The following ATP9B variants were observed in gnomAD, a reference collection of about 807,000 sequenced individuals.
The protein encoded by ATP9B is probable phospholipid-transporting ATPase IIB.
A neutral mutation model predicts 146.1 loss-of-function variants in ATP9B; 110 were observed. The ratio of observed to expected loss-of-function variants is 0.75; its 90% CI spans 0.65 to 0.88. ATP9B has a LOEUF of 0.88. Ranked by LOEUF, ATP9B falls within the 40% of genes least tolerant of loss-of-function variation. The probability of loss-of-function intolerance (pLI) is 0.00; values close to 1 mark genes in which losing one functional copy is unlikely to be tolerated. For synonymous variants in ATP9B, 604 were observed against 569.7 expected, an observed-to-expected ratio of 1.06 and a Z score of -0.86; for missense variants, 1,499 against 1,496.4, an observed-to-expected ratio of 1.00 and a Z score of -0.03.
intron 7 of ATP9B, among the ~76,000 whole-genome samples, chr18:79,155,005 T>C (rs1334324896): frequency 1.3e-5 from 2 of 152,228 alleles, no homozygotes; most frequent in Non-Finnish European, 2.9e-5. Context: ...GTGTTTTCAT[T>C]CAGATTCATA....
At chr18:79,282,607 A>G (rs1485529803) in intron 13 of ATP9B, among the ~76,000 whole-genome samples, 3 of 152,258 alleles carry the variant, frequency 2.0e-5, no homozygotes, top group Non-Finnish European at 4.4e-5. Context: ...TACTAATTGC[A>G]CATGTAATAG....
chr18:79,374,638 G>T (rs1023664259), intron 28 of ATP9B, among the ~76,000 whole-genome samples: 9 of 152,374 alleles, frequency 5.9e-5, no homozygotes, highest in Non-Finnish European at 2.9e-5. Context: ...GAACACAGCC[G>T]CGTGTGCACT....
chr18:79,129,443 G>T (rs1157194861), intron 5 of ATP9B, among the ~76,000 whole-genome samples: 1 of 152,160 alleles, frequency 6.6e-6, no homozygotes, highest in African/African-American at 2.4e-5. Context: ...TGAGGCTGCC[G>T]CACAGAGCCA....
chr18:79,237,931 C>G (rs913923842), intron 11 of ATP9B, among the ~76,000 whole-genome samples: 2 of 152,112 alleles, frequency 1.3e-5, no homozygotes, highest in Non-Finnish European at 2.9e-5. Flanking sequence ...CTCAAGTGAT[C>G]CTCCAGCCAT....
At chr18:79,356,360 C>T (rs565276995) in intron 25 of ATP9B, among the ~76,000 whole-genome samples, 1 of 152,088 alleles carries the variant, frequency 6.6e-6, no homozygotes, top group Non-Finnish European at 1.5e-5. Context: ...CACTCACGCT[C>T]CTGGGCGTTT....
At chr18:79,324,721 G>A (rs2096734692) in intron 15 of ATP9B, among the ~76,000 whole-genome samples, 1 of 152,190 alleles carries the variant, frequency 6.6e-6, no homozygotes, top group South Asian at 2.1e-4. Context: ...ATATGGAAAC[G>A]AGTTGTCTCA....
At chr18:79,157,406 A>AAAAAAAAAAAAAC (rs2094806856) in intron 7 of ATP9B, among the ~76,000 whole-genome samples, 1 of 120,318 alleles carries the variant, frequency 8.3e-6, no homozygotes. Context: ...CAAAAAAAAA[A>AAAAAAAAAAAAAC]AAAAAAAAAA....
At chr18:79,170,070 G>A (rs1248844518) in intron 7 of ATP9B, among the ~76,000 whole-genome samples, 2 of 152,192 alleles carry the variant, frequency 1.3e-5, no homozygotes, top group African/African-American at 4.8e-5. Context: ...AGCTGACTGA[G>A]CTCAGACTGT....
intron 12 of ATP9B, among the ~76,000 whole-genome samples, chr18:79,267,391 C>T (rs2096214037): frequency 6.6e-6 from 1 of 151,838 alleles, no homozygotes; most frequent in African/African-American, 2.4e-5. Context: ...ATTCTTTGAG[C>T]TGTGTATTAT....
chr18:79,104,902 C>A (rs2075552356), intron 2 of ATP9B, among the ~76,000 whole-genome samples: 1 of 152,042 alleles, frequency 6.6e-6, no homozygotes, highest in Admixed American at 6.6e-5. Context: ...TGCCACCACA[C>A]CCGGCTAATT....
intron 2 of ATP9B, among the ~76,000 whole-genome samples, chr18:79,103,295 A>G (rs1372311571): frequency 2.1e-5 from 3 of 145,252 alleles, no homozygotes; most frequent in African/African-American, 5.1e-5. Context: ...TAAGAAATCT[A>G]TCTTGTATTA....
At chr18:79,173,132 A>G (rs1334746265) in intron 7 of ATP9B, among the ~76,000 whole-genome samples, 1 of 151,774 alleles carries the variant, frequency 6.6e-6, no homozygotes, top group Admixed American at 6.6e-5. Flanking sequence ...CATCCTCAGG[A>G]CTCTAGTAAA....
intron 26 of ATP9B, among the ~76,000 whole-genome samples, chr18:79,366,222 G>T (rs1276081248): frequency 6.6e-6 from 1 of 152,236 alleles, no homozygotes; most frequent in Non-Finnish European, 1.5e-5. Flanking sequence ...GTGTGGGTGT[G>T]GAAGCTGCTC....
rs116881554 is a variant in ATP9B, at chr18:79,081,532, A to G, written c.119+12003A>G. On this transcript the variant is annotated intron_variant, in intron 1 of 29. Coordinates refer to ENST00000426216, the MANE Select transcript of ATP9B (RefSeq NM_198531.5). ...TCTTTATTAGTCTGGCTAGTGGTCT[A>G]TCTATTCAGCTAATCTTTTCAAAAA... Among the ~76,000 whole-genome samples the G allele has an allele frequency of 7.9e-3, 1,202 of 151,412 alleles. 16 individuals are homozygous for G. Among genetic ancestry groups the G allele is most frequent in the East Asian group, 0.037 (189 of 5,064 alleles).
rs2074802688 is a variant in ATP9B, at chr18:79,096,618, GT to G, written c.263del (p.Val88AlafsTer16). The G allele has an allele frequency of 6.2e-7, 1 of 1,613,726 alleles. No homozygotes were observed. Among genetic ancestry groups the G allele is most frequent in the Admixed American group, 1.7e-5 (1 of 59,944 alleles). The stretch of plus-strand genomic sequence containing the variant: ...AAGGAAAAGAGGACTGGAGTGGTTT[GT>G]CTGTGATGGCTGGAAGTTCCTCTGT... Reference protein sequence around the residue: ...MQRKRGLEWFVCDGWKFLCTS... With the variant: ...MQRKRGLEWFXCDGWKFLCTS... On this transcript the variant is annotated frameshift_variant, in exon 2 of 30. Transcript: ENST00000426216. LOFTEE classifies it high-confidence loss of function.
chr18:79,217,031 G>A (rs539727942), intron 11 of ATP9B, among the ~76,000 whole-genome samples: 3 of 152,314 alleles, frequency 2.0e-5, no homozygotes, highest in East Asian at 1.9e-4. Context: ...GAATCCACAC[G>A]ATGGCTCCCG....
At chr18:79,225,075 C>T (rs892719827) in intron 11 of ATP9B, among the ~76,000 whole-genome samples, 12 of 152,224 alleles carry the variant, frequency 7.9e-5, no homozygotes, top group Middle Eastern at 3.4e-3. Flanking sequence ...GAATGATTTT[C>T]CTTAAGGCAT....
intron 15 of ATP9B, among the ~76,000 whole-genome samples, chr18:79,325,149 TTCCTCCCCAGTC>T (rs1290509224): frequency 6.6e-6 from 1 of 152,164 alleles, no homozygotes; most frequent in African/African-American, 2.4e-5. Flanking sequence ...GACGCATTCT[TTCCTCCCCAGTC>T]TAGAGCAGGA....
chr18:79,334,502 T>C (rs985789337), intron 17 of ATP9B, among the ~76,000 whole-genome samples: 3 of 152,080 alleles, frequency 2.0e-5, no homozygotes, highest in Non-Finnish European at 4.4e-5. Context: ...CAGCACTTAG[T>C]AATCAATTGT....
Sources: allele counts gnomAD v4.1 joint callset (sites outside exome capture counted in the v4.1 genomes callset), GRCh38; gene constraint gnomAD v4.1.1; transcripts MANE v1.5; gene names NCBI Gene and HGNC (gene_info 2026-07-23, HGNC 2026-07-21).